Variants in MAP3K9 observed in about 807,000 individuals in gnomAD.
The protein encoded by MAP3K9 is mixed lineage kinase 1 (tyr and ser/thr specificity).
In MAP3K9, 46 loss-of-function variants were observed where a neutral mutation model predicts 95.8. The observed-to-expected ratio is 0.48, with a 90% confidence interval of 0.38 to 0.61. The LOEUF is 0.61. MAP3K9 is among the 20% of genes least tolerant of loss of function. The pLI is 0.00. For missense variants in MAP3K9, 1,296 were observed against 1,474.3 expected (o/e 0.88, Z 1.98); for synonymous variants, 533 against 593.8 (o/e 0.90, Z 1.49).
In MAP3K9 at chr14:70,809,098, G is replaced by T. The variant is rs1173430231; in HGVS notation, c.74C>A (p.Ala25Glu). Reference protein sequence around the residue: ...AAAAPPGEDGAGAGAEEEEEE... With the variant: ...AAAAPPGEDGEGAGAEEEEEE... The stretch of plus-strand genomic sequence containing the variant: ...CTCCTCCTCCTCGGCCCCGGCCCCT[G>T]CTCCATCCTCCCCCGGCGGGGCGGC... Residue 25 changes from alanine to glutamate, a missense_variant, in exon 1 of 12, where the codon GCA becomes GAA. Coordinates refer to ENST00000554752, the MANE Select transcript of MAP3K9 (RefSeq NM_001284230.2). 22 of 1,396,914 alleles carry T rather than the reference G, an allele frequency of 1.6e-5. No homozygotes were observed. The highest frequency in any genetic ancestry group is 3.4e-5 in the Admixed American group (1 of 29,840). The allele number at this position is 1,396,914 out of a possible 1,614,324, so 86.5% of individuals were successfully genotyped here.
Position 70,726,379 on chromosome 14 carries a change from C to A in MAP3K9, c.*4001G>T, listed in dbSNP as rs1378070624. The A allele has an allele frequency of 2.0e-5, 3 of 152,232 alleles. No homozygotes were observed. The highest frequency in any genetic ancestry group is 7.2e-5 in the African/African-American group (3 of 41,466). The allele number at this position is 152,232 out of a possible 1,614,324, so 9.4% of individuals were successfully genotyped here. On this transcript the variant is annotated 3_prime_UTR_variant, in exon 12 of 12. Coordinates refer to ENST00000554752, the MANE Select transcript of MAP3K9 (RefSeq NM_001284230.2). ...ACAAGGGGACCCTTTTCCAAAGATT[C>A]TTCCAGGAACTGGGATGATCCCAGG...
chr14:70,782,468 T>C (rs1465283257), intron 2 of MAP3K9, among the ~76,000 whole-genome samples: 3 of 152,136 alleles, frequency 2.0e-5, no homozygotes, highest in African/African-American at 7.2e-5. Flanking sequence ...CCACCACAGA[T>C]ACCACCTTCA....
chr14:70,802,106 C>A (rs1054677584), intron 1 of MAP3K9, among the ~76,000 whole-genome samples: 2 of 152,180 alleles, frequency 1.3e-5, no homozygotes, highest in African/African-American at 2.4e-5. Context: ...ACTCTGGCAG[C>A]CACTGGAAAC....
At chr14:70,787,003 G>A (rs1023529415) in intron 2 of MAP3K9, among the ~76,000 whole-genome samples, 1 of 152,110 alleles carries the variant, frequency 6.6e-6, no homozygotes, top group African/African-American at 2.4e-5. Context: ...CAGATGGCAT[G>A]TACACCGTGA....
rs1169387025 is a variant in MAP3K9 at position 70,775,696 on chromosome 14, G to A, written c.821-14514C>T. On this transcript the variant is annotated intron_variant, in intron 2 of 11. Coordinates refer to ENST00000554752, the MANE Select transcript of MAP3K9 (RefSeq NM_001284230.2). ...GGCAGGGACAAGGAGAGAAACCTGT[G>A]TTTAGAACAGAAGAGAACTGGAAGA... Among the ~76,000 whole-genome samples the A allele has an allele frequency of 2.0e-5, 3 of 152,288 alleles. No individual in the cohort carries two copies. The Middle Eastern group carries it at 0.01, about 518-fold the overall frequency.
chr14:70,764,441 A>G (rs2054420916), intron 2 of MAP3K9, among the ~76,000 whole-genome samples: 1 of 135,886 alleles, frequency 7.4e-6, no homozygotes, highest in East Asian at 2.2e-4. Flanking sequence ...ACAACAAAAA[A>G]TGTATGTTAA....
intron 2 of MAP3K9, among the ~76,000 whole-genome samples, chr14:70,774,075 C>T (rs2054564138): frequency 6.6e-6 from 1 of 152,134 alleles, no homozygotes; most frequent in African/African-American, 2.4e-5. Context: ...TCCAAGCTGC[C>T]GTAAAGTTAA....
At chr14:70,782,917 C>G (rs1196715192) in intron 2 of MAP3K9, among the ~76,000 whole-genome samples, 1 of 152,210 alleles carries the variant, frequency 6.6e-6, no homozygotes, top group African/African-American at 2.4e-5. Flanking sequence ...AGGTGAAAGC[C>G]AGTCCTTTCC....
At chr14:70,737,565 G>C (rs1031160194) in intron 8 of MAP3K9, among the ~76,000 whole-genome samples, 4 of 152,140 alleles carry the variant, frequency 2.6e-5, no homozygotes, top group African/African-American at 9.7e-5. Context: ...CTGCCCAGAG[G>C]AGCCATCATA....
At chr14:70,737,961 C>T (rs567628331) in intron 8 of MAP3K9, among the ~76,000 whole-genome samples, 2 of 152,272 alleles carry the variant, frequency 1.3e-5, no homozygotes, top group South Asian at 4.1e-4. Context: ...TCTCTGGAGG[C>T]TTCTGTGTTC....
chr14:70,784,556 A>T lies in MAP3K9; in HGVS notation c.820+16111T>A, dbSNP rs181124166. The stretch of plus-strand genomic sequence containing the variant: ...ACAGGAGTTCAAGACCAGCCTGGCC[A>T]ATATGTTGAAACCCCATCTCTACTG... On this transcript the variant is annotated intron_variant, in intron 2 of 11. Transcript: ENST00000554752. Among the ~76,000 whole-genome samples, 487 of 152,312 alleles carry T rather than the reference A, an allele frequency of 3.2e-3. 2 individuals carry two copies. The highest frequency in any genetic ancestry group is 0.012 in the South Asian group (59 of 4,828).
intron 2 of MAP3K9, among the ~76,000 whole-genome samples, chr14:70,788,537 G>C (rs2054772421): frequency 6.6e-6 from 1 of 152,192 alleles, no homozygotes; most frequent in Admixed American, 6.5e-5. Context: ...AAGTAACAGA[G>C]CCAGGTAAGA....
intron 4 of MAP3K9, 74 bp from the exon 5 acceptor site, chr14:70,749,078 G>A (rs2054190481): frequency 2.2e-6 from 3 of 1,383,092 alleles, no homozygotes; most frequent in South Asian, 1.5e-5. Context: ...GCTATTACAT[G>A]GCCTCACTTC....
At chr14:70,795,026 C>T (rs1452266112) in intron 2 of MAP3K9, among the ~76,000 whole-genome samples, 1 of 105,082 alleles carries the variant, frequency 9.5e-6, no homozygotes, top group Non-Finnish European at 1.9e-5. Flanking sequence ...TAGAGACTCA[C>T]TCTGTTGCCC....
intron 2 of MAP3K9, among the ~76,000 whole-genome samples, chr14:70,783,713 T>C (rs1442390016): frequency 6.6e-6 from 1 of 152,200 alleles, no homozygotes; most frequent in African/African-American, 2.4e-5. Flanking sequence ...TCAGCGCTCC[T>C]CCAGGAGGAA....
intron 2 of MAP3K9, among the ~76,000 whole-genome samples, chr14:70,774,257 G>C (rs1042316382): frequency 6.6e-6 from 1 of 152,236 alleles, no homozygotes; most frequent in Admixed American, 6.5e-5. Context: ...TCACCAGCCA[G>C]GAGGAAGAGT....
chr14:70,751,071 T>C (rs895289583), intron 3 of MAP3K9, among the ~76,000 whole-genome samples: 3 of 148,550 alleles, frequency 2.0e-5, no homozygotes, highest in African/African-American at 7.5e-5. Context: ...CTAATTCAAA[T>C]GGAAAAGTTT....
chr14:70,758,499 A>G (rs963684167), intron 3 of MAP3K9, among the ~76,000 whole-genome samples: 2 of 152,232 alleles, frequency 1.3e-5, no homozygotes, highest in African/African-American at 4.8e-5. Flanking sequence ...TGGTTCCTCA[A>G]AAAGTTAAAC....
At chr14:70,731,676 G>A (rs1261281523) in intron 11 of MAP3K9, among the ~76,000 whole-genome samples, 2 of 152,188 alleles carry the variant, frequency 1.3e-5, no homozygotes, top group Admixed American at 6.5e-5. Flanking sequence ...CGGGAACAGA[G>A]CTAGGTATCA....
Sources: gnomAD v4.1 joint callset for allele counts (sites outside exome capture counted in the v4.1 genomes callset) on GRCh38, gnomAD v4.1.1 for gene constraint, MANE v1.5 for transcripts, NCBI Gene and HGNC (gene_info 2026-07-23, HGNC 2026-07-21) for gene names.